The following BBX variants were observed in gnomAD, a reference collection of about 807,000 sequenced individuals.
BBX encodes BBX high mobility group box domain containing, also known as HMG box transcription factor BBX.
A neutral mutation model predicts 100.2 loss-of-function variants in BBX; 30 were observed. That is an observed-to-expected ratio of 0.30 (90% CI 0.22 to 0.41). The LOEUF (loss-of-function observed/expected upper bound fraction) is 0.41. Among genes scored for constraint, BBX ranks in the 10% least tolerant of loss-of-function variants. The pLI, the probability that BBX is intolerant of heterozygous loss-of-function variation, is 1.00. For missense variants in BBX, 1,023 were observed against 1,129.8 expected (o/e 0.91, Z 1.35); for synonymous variants, 376 against 388.1 (o/e 0.97, Z 0.37).
chr3:107,568,201 C>T (rs1418258354), intron 2 of BBX, among the ~76,000 whole-genome samples: 1 of 150,930 alleles, frequency 6.6e-6, no homozygotes, highest in Non-Finnish European at 1.5e-5. Context: ...TTGGCAGCCT[C>T]CTTTCAATGT....
chr3:107,710,895 TG>T (rs894709849), intron 4 of BBX, among the ~76,000 whole-genome samples: 6 of 152,226 alleles, frequency 3.9e-5, no homozygotes, highest in Admixed American at 2.0e-4. Context: ...TACATTGAGA[TG>T]GGGATGTTCC....
intron 3 of BBX, among the ~76,000 whole-genome samples, chr3:107,653,891 A>G (rs1177911175): frequency 1.3e-5 from 2 of 152,120 alleles, no homozygotes; most frequent in Admixed American, 1.3e-4. Context: ...AGAATTGCCA[A>G]ATAAGAGAAA....
chr3:107,752,795 A>C (rs1304726581), intron 9 of BBX, among the ~76,000 whole-genome samples: 1 of 152,206 alleles, frequency 6.6e-6, no homozygotes, highest in African/African-American at 2.4e-5. Flanking sequence ...ACCCATGAAC[A>C]TCCTATGCCG....
chr3:107,589,647 A>G (rs541704636), intron 2 of BBX, among the ~76,000 whole-genome samples: 1 of 152,322 alleles, frequency 6.6e-6, no homozygotes, highest in East Asian at 1.9e-4. Context: ...GCAGTGCCAC[A>G]GAGTTCTTTT....
intron 5 of BBX, 43 bp downstream of exon 5, chr3:107,716,892 A>G (rs775106386): frequency 1.9e-6 from 3 of 1,596,350 alleles, no homozygotes; most frequent in Admixed American, 1.7e-5. Context: ...AAAAGCAACC[A>G]GTCCTGAAAC....
chr3:107,567,242 G>GT (rs36081774), intron 2 of BBX, among the ~76,000 whole-genome samples: 15,225 of 152,044 alleles, frequency 0.1, 886 homozygotes, highest in Non-Finnish European at 0.12. Flanking sequence ...ACATATATTC[G>GT]TATCAGGTTA....
At chr3:107,629,712 A>G (rs1337727740) in intron 2 of BBX, among the ~76,000 whole-genome samples, 1 of 152,164 alleles carries the variant, frequency 6.6e-6, no homozygotes, top group Non-Finnish European at 1.5e-5. Flanking sequence ...TTGCAGCCAC[A>G]GAATGCATTC....
intron 2 of BBX, among the ~76,000 whole-genome samples, chr3:107,573,955 T>C (rs1359275130): frequency 5.3e-5 from 8 of 152,098 alleles, no homozygotes; most frequent in Non-Finnish European, 1.0e-4. Flanking sequence ...AAACTCCTGA[T>C]CTCGGGTGAT....
intron 2 of BBX, among the ~76,000 whole-genome samples, chr3:107,620,577 C>G (rs763172200): frequency 1.3e-5 from 2 of 152,198 alleles, no homozygotes; most frequent in Non-Finnish European, 2.9e-5. Context: ...CTTATTATTG[C>G]AAGATGAGAA....
chr3:107,551,347 T>A (rs1202063763), intron 2 of BBX, among the ~76,000 whole-genome samples: 1 of 152,228 alleles, frequency 6.6e-6, no homozygotes. Context: ...TTCTTTATGA[T>A]CATCAGTGTT....
chr3:107,554,780 A>T (rs967612548), intron 2 of BBX, among the ~76,000 whole-genome samples: 1 of 151,882 alleles, frequency 6.6e-6, no homozygotes, highest in Non-Finnish European at 1.5e-5. Flanking sequence ...TAAAAGATTG[A>T]TAAAGTAGCT....
At chr3:107,651,136 A>G (rs1421470021) in intron 3 of BBX, among the ~76,000 whole-genome samples, 1 of 152,180 alleles carries the variant, frequency 6.6e-6, no homozygotes, top group Non-Finnish European at 1.5e-5. Flanking sequence ...CAACATATGA[A>G]TTTGGAGCGG....
chr3:107,805,253 T>C, intron 17 of BBX, 117 bp from the exon 18 acceptor site: 1 of 1,107,526 alleles, frequency 9.0e-7, no homozygotes, highest in Non-Finnish European at 1.3e-6. Context: ...TTAAATGATG[T>C]AAGTAACAGC....
At chr3:107,551,904 T>G (rs909389728) in intron 2 of BBX, among the ~76,000 whole-genome samples, 5 of 152,212 alleles carry the variant, frequency 3.3e-5, no homozygotes, top group Non-Finnish European at 2.9e-5. Flanking sequence ...TCCTTTTTCA[T>G]GTAAGAGGCT....
At chr3:107,590,628 T>G (rs549565266) in intron 2 of BBX, among the ~76,000 whole-genome samples, 1 of 152,354 alleles carries the variant, frequency 6.6e-6, no homozygotes, top group African/African-American at 2.4e-5. Context: ...ACATTCGTTT[T>G]CTGAGTCTCC....
intron 2 of BBX, among the ~76,000 whole-genome samples, chr3:107,558,964 A>G (rs1411620205): frequency 6.6e-6 from 1 of 152,246 alleles, no homozygotes; most frequent in Non-Finnish European, 1.5e-5. Flanking sequence ...GCTTTGAAGT[A>G]GTAGTTCATG....
At chr3:107,632,512 ATTTTC>A (rs2056609485) in intron 2 of BBX, among the ~76,000 whole-genome samples, 1 of 152,088 alleles carries the variant, frequency 6.6e-6, no homozygotes, top group Non-Finnish European at 1.5e-5. Flanking sequence ...GGTTGTTGGA[ATTTTC>A]TTTTATTGCT....
At chr3:107,658,195 T>A (rs2058252299) in intron 3 of BBX, among the ~76,000 whole-genome samples, 1 of 152,174 alleles carries the variant, frequency 6.6e-6, no homozygotes, top group Admixed American at 6.5e-5. Flanking sequence ...CTGTCTTCGT[T>A]GAGTAATCCA....
At chr3:107,674,153 A>G (rs1033631989) in intron 3 of BBX, among the ~76,000 whole-genome samples, 1 of 152,168 alleles carries the variant, frequency 6.6e-6, no homozygotes, top group African/African-American at 2.4e-5. Flanking sequence ...TTGGAAATAC[A>G]TGTCAGAGGA....
Sources: allele counts gnomAD v4.1 joint callset (sites outside exome capture counted in the v4.1 genomes callset), GRCh38; gene constraint gnomAD v4.1.1; transcripts MANE v1.5; gene names NCBI Gene and HGNC (gene_info 2026-07-23, HGNC 2026-07-21).